Variants in TMEM178A observed in about 807,000 individuals in gnomAD.
TMEM178A encodes the protein transmembrane protein 178.
In TMEM178A, 12 loss-of-function variants were observed where a neutral mutation model predicts 29.1. The ratio of observed to expected loss-of-function variants is 0.41; its 90% CI spans 0.26 to 0.67. The LOEUF is 0.67. TMEM178A is among the 30% of genes least tolerant of loss of function. The pLI is 0.29. For missense variants in TMEM178A, 366 were observed against 419.1 expected (o/e 0.87, Z 1.11); for synonymous variants, 210 against 187.2 (o/e 1.12, Z -0.99).
Position 39,717,628 on chromosome 2 carries a change from T to G in TMEM178A, c.*377T>G, listed in dbSNP as rs1048647610. 1 of 171,468 alleles carries G rather than the reference T, an allele frequency of 5.8e-6. No homozygotes were observed. Among genetic ancestry groups the G allele is most frequent in the South Asian group, 1.5e-4 (1 of 6,504 alleles). The allele number at this position is 171,468 out of a possible 1,614,324, so 10.6% of individuals were successfully genotyped here. ...AAAAGGATTCGTAACAAAGCGAGTA[T>G]AATTTTCTTGTCATTGTATCATGCT... On this transcript the variant is annotated 3_prime_UTR_variant, in exon 4 of 4. Coordinates refer to ENST00000281961, the MANE Select transcript of TMEM178A (RefSeq NM_152390.3).
At position 39,666,268 on chromosome 2, in the gene TMEM178A, G is replaced by A. The variant is rs750456040; in HGVS notation, c.294G>A (p.Gly98=). 7.2e-7 allele frequency: 1 copy of A among 1,390,138 alleles called. No individual in the cohort carries two copies. Among genetic ancestry groups the A allele is most frequent in the South Asian group, 1.6e-5 (1 of 62,778 alleles). The allele number at this position is 1,390,138 out of a possible 1,614,324, so 86.1% of individuals were successfully genotyped here. Residue 98 remains glycine (G), a synonymous_variant, in exon 1 of 4, where the codon GGG becomes GGA. Coordinates refer to ENST00000281961, the MANE Select transcript of TMEM178A (RefSeq NM_152390.3). ...ESWRSLLGLG[G]LDAECGRPLF... is the part of the protein sequence containing the mutation. The stretch of plus-strand genomic sequence containing the variant: ...GGCGCTCGCTCCTGGGGCTCGGCGG[G>A]CTGGACGCCGAGTGCGGCCGGCCCC...
At chr2:39,730,933 T>C in the TMEM178A span, among the ~76,000 whole-genome samples, 1 of 152,212 alleles carries the variant, frequency 6.6e-6, no homozygotes, top group Non-Finnish European at 1.5e-5. Context: ...GAGTATCCTG[T>C]ATGGAGACAT....
the TMEM178A span, among the ~76,000 whole-genome samples, chr2:39,724,843 A>G: frequency 1.2e-4 from 19 of 152,318 alleles, no homozygotes; most frequent in Admixed American, 1.1e-3. Flanking sequence ...TGAGGTCAGC[A>G]TGTCCAAGTA....
chr2:39,706,594 C>T (rs1672045789), intron 2 of TMEM178A, among the ~76,000 whole-genome samples: 2 of 151,968 alleles, frequency 1.3e-5, no homozygotes, highest in Non-Finnish European at 2.9e-5. Context: ...AGATTAAGTA[C>T]AGCCACTACC....
chr2:39,707,362 G>A (rs1445046124), intron 3 of TMEM178A, among the ~76,000 whole-genome samples, 176 bp downstream of exon 3: 2 of 152,250 alleles, frequency 1.3e-5, no homozygotes, highest in Non-Finnish European at 2.9e-5. Context: ...ACAACAGTGT[G>A]AGAAATGCAT....
chr2:39,716,120 A>G (rs1480941128), intron 3 of TMEM178A, among the ~76,000 whole-genome samples: 1 of 152,192 alleles, frequency 6.6e-6, no homozygotes, highest in African/African-American at 2.4e-5. Context: ...GGACATTCTG[A>G]TACTTGATTG....
chr2:39,683,672 G>A (rs565701798), intron 1 of TMEM178A, among the ~76,000 whole-genome samples: 1 of 152,320 alleles, frequency 6.6e-6, no homozygotes, highest in East Asian at 1.9e-4. Context: ...AGGGCTGTAT[G>A]CCACCTATTT....
Position 39,666,187 on chromosome 2 carries a change from C to T in TMEM178A, c.213C>T (p.Pro71=), listed in dbSNP as rs1403784933. ...PLSHLPLRDS[P]PLGRRLLPGG... ...CGCACCTGCCGCTGCGGGACTCGCC[C>T]CCGCTGGGGCGCCGGCTGCTCCCGG... Residue 71 remains proline (P), a synonymous_variant, in exon 1 of 4, where the codon CCC becomes CCT. Transcript: ENST00000281961. 31 of 1,446,828 alleles carry T rather than the reference C, an allele frequency of 2.1e-5. No homozygotes were observed. The East Asian group carries it at 9.2e-4, about 43-fold the overall frequency. The allele number at this position is 1,446,828 out of a possible 1,614,324, so 89.6% of individuals were successfully genotyped here.
the TMEM178A span, among the ~76,000 whole-genome samples, chr2:39,729,589 CT>C: frequency 1.3e-5 from 2 of 152,178 alleles, no homozygotes; most frequent in Non-Finnish European, 2.9e-5. Flanking sequence ...TGCAATTATA[CT>C]TGACAGAAAA....
intron 3 of TMEM178A, among the ~76,000 whole-genome samples, chr2:39,707,575 G>T (rs1272205857): frequency 1.3e-5 from 2 of 152,158 alleles, no homozygotes; most frequent in Non-Finnish European, 2.9e-5. Flanking sequence ...GGGTTCAAGT[G>T]ATTCTCCTGC....
intron 1 of TMEM178A, among the ~76,000 whole-genome samples, chr2:39,673,283 A>G (rs754639686): frequency 2.6e-5 from 4 of 152,222 alleles, no homozygotes; most frequent in Non-Finnish European, 5.9e-5. Flanking sequence ...TCCGCCAGAT[A>G]GCTGATTGCA....
At chr2:39,691,298 AAG>A in intron 1 of TMEM178A, among the ~76,000 whole-genome samples, 1 of 152,318 alleles carries the variant, frequency 6.6e-6, no homozygotes, top group South Asian at 2.1e-4. Flanking sequence ...GTCAAAGACA[AAG>A]AGAATTTTGA....
Position 39,674,428 on chromosome 2 carries a change from G to A in TMEM178A, c.400+8054G>A, listed in dbSNP as rs150013414. On this transcript the variant is annotated intron_variant, in intron 1 of 3. Transcript: ENST00000281961. ...GTAACTCAGGAATGGAAAACCAAAC[G>A]TTGTATGTTCTCACTGATCATTGGG... 2.0e-3 allele frequency among the ~76,000 whole-genome samples: 310 copies of A among 152,290 alleles called. 1 individual carries two copies. The highest frequency in any genetic ancestry group is 7.3e-3 in the African/African-American group (304 of 41,548).
At chr2:39,667,283 C>T (rs1184778398) in intron 1 of TMEM178A, among the ~76,000 whole-genome samples, 1 of 149,790 alleles carries the variant, frequency 6.7e-6, no homozygotes, top group Non-Finnish European at 1.5e-5. Context: ...TCAATTTGTT[C>T]TTCTGAAATC....
chr2:39,695,906 C>A (rs1378890681), intron 1 of TMEM178A, among the ~76,000 whole-genome samples: 1 of 152,074 alleles, frequency 6.6e-6, no homozygotes, highest in East Asian at 1.9e-4. Flanking sequence ...ATGTGTCAGA[C>A]AATTTATTTT....
At chr2:39,668,218 C>T (rs1356474519) in intron 1 of TMEM178A, among the ~76,000 whole-genome samples, 3 of 152,210 alleles carry the variant, frequency 2.0e-5, no homozygotes, top group African/African-American at 7.2e-5. Context: ...TGAAGTTGAA[C>T]ATCTACTGGT....
chr2:39,734,639 TAGCA>T, the TMEM178A span, among the ~76,000 whole-genome samples: 5 of 152,254 alleles, frequency 3.3e-5, no homozygotes, highest in African/African-American at 1.2e-4. Flanking sequence ...TAAAACTGTC[TAGCA>T]AGCAAGTCTA....
intron 1 of TMEM178A, among the ~76,000 whole-genome samples, chr2:39,690,487 G>A (rs1251487612): frequency 6.6e-6 from 1 of 152,184 alleles, no homozygotes; most frequent in African/African-American, 2.4e-5. Flanking sequence ...AAAGGCCAGT[G>A]TCCTAAGGTG....
chr2:39,705,390 C>CA (rs1469810862), intron 2 of TMEM178A, among the ~76,000 whole-genome samples: 2 of 152,190 alleles, frequency 1.3e-5, no homozygotes, highest in Non-Finnish European at 2.9e-5. Context: ...TTCAGAGTCA[C>CA]AGAAAATAGA....
Sources: allele counts gnomAD v4.1 joint callset (sites outside exome capture counted in the v4.1 genomes callset), GRCh38; gene constraint gnomAD v4.1.1; transcripts MANE v1.5; gene names NCBI Gene and HGNC (gene_info 2026-07-23, HGNC 2026-07-21).